Variants in AUTS2 observed in about 807,000 individuals in gnomAD.
AUTS2 encodes the protein autism susceptibility gene 2 protein.
In AUTS2, 17 loss-of-function variants were observed where a neutral mutation model predicts 112.4. The observed-to-expected ratio is 0.15, with a 90% confidence interval of 0.10 to 0.23. AUTS2 has a LOEUF of 0.23. Ranked by LOEUF, AUTS2 falls within the 10% of genes least tolerant of loss-of-function variation. The probability of loss-of-function intolerance (pLI) is 1.00; values close to 1 mark genes in which losing one functional copy is unlikely to be tolerated. For missense variants in AUTS2, 1,510 were observed against 1,701.6 expected (o/e 0.89, Z 1.98); for synonymous variants, 751 against 702.7 (o/e 1.07, Z -1.09).
intron 4 of AUTS2, among the ~76,000 whole-genome samples, chr7:70,380,522 G>T (rs1485718160): frequency 6.6e-6 from 1 of 152,218 alleles, no homozygotes; most frequent in East Asian, 1.9e-4. Context: ...TCTCAGGGGA[G>T]GGCTCCCAGT....
intron 2 of AUTS2, among the ~76,000 whole-genome samples, chr7:70,087,244 G>C (rs114889113): frequency 2.3e-3 from 342 of 149,622 alleles, no homozygotes; most frequent in Non-Finnish European, 3.6e-3. Context: ...TTATTTTTTA[G>C]TTTAATATGG....
At chr7:70,049,605 C>T (rs1050947675) in intron 2 of AUTS2, among the ~76,000 whole-genome samples, 1 of 152,110 alleles carries the variant, frequency 6.6e-6, no homozygotes, top group Non-Finnish European at 1.5e-5. Flanking sequence ...GCTGGGATTA[C>T]AGGCGCCCAG....
chr7:70,491,426 A>G (rs1263203949), intron 5 of AUTS2, among the ~76,000 whole-genome samples: 1 of 145,994 alleles, frequency 6.8e-6, no homozygotes, highest in Admixed American at 6.9e-5. Flanking sequence ...GTATACACAC[A>G]CACACACACA....
At chr7:70,289,703 A>C (rs1788623341) in intron 4 of AUTS2, among the ~76,000 whole-genome samples, 1 of 152,198 alleles carries the variant, frequency 6.6e-6, no homozygotes, top group South Asian at 2.1e-4. Context: ...AGTGTTGAGG[A>C]TTAGATGATT....
intron 5 of AUTS2, among the ~76,000 whole-genome samples, chr7:70,483,950 C>G (rs1017949211): frequency 6.6e-6 from 1 of 151,730 alleles, no homozygotes; most frequent in Admixed American, 6.6e-5. Context: ...AGTGGTCTGC[C>G]CTGAAGGGAA....
chr7:70,719,590 A>C (rs1433051393), intron 6 of AUTS2, among the ~76,000 whole-genome samples: 1 of 151,058 alleles, frequency 6.6e-6, no homozygotes, highest in African/African-American at 2.4e-5. Flanking sequence ...CAGCCTCCCG[A>C]GTAGGTGGGA....
intron 4 of AUTS2, among the ~76,000 whole-genome samples, chr7:70,171,912 G>A (rs1417475656): frequency 6.6e-6 from 1 of 151,154 alleles, no homozygotes; most frequent in Non-Finnish European, 1.5e-5. Flanking sequence ...TTTTGGGGGG[G>A]GGTAGTTTTT....
intron 2 of AUTS2, among the ~76,000 whole-genome samples, chr7:70,094,069 A>G (rs1156444180): frequency 6.6e-6 from 1 of 151,974 alleles, no homozygotes; most frequent in East Asian, 1.9e-4. Context: ...TTTCATTGTC[A>G]CTCCATCATT....
chr7:69,878,245 A>G (rs1305014822), intron 1 of AUTS2, among the ~76,000 whole-genome samples: 2 of 152,130 alleles, frequency 1.3e-5, no homozygotes, highest in Admixed American at 6.5e-5. Context: ...TGGACAAACA[A>G]TGGTTTGTAG....
intron 1 of AUTS2, among the ~76,000 whole-genome samples, chr7:69,698,460 A>G (rs951954274): frequency 6.6e-6 from 1 of 152,182 alleles, no homozygotes; most frequent in Non-Finnish European, 1.5e-5. Flanking sequence ...TTTAAAAAGT[A>G]CTTACCTGCT....
intron 1 of AUTS2, 125 bp downstream of exon 1, chr7:69,600,087 TAGGCTGAG>T: frequency 6.5e-6 from 7 of 1,083,228 alleles, no homozygotes; most frequent in African/African-American, 1.6e-5. Flanking sequence ...TCTGTCTGTC[TAGGCTGAG>T]GTCTTATTGT....
intron 2 of AUTS2, among the ~76,000 whole-genome samples, chr7:70,105,326 CAT>C (rs1343608087): frequency 2.0e-5 from 3 of 152,130 alleles, no homozygotes; most frequent in Non-Finnish European, 4.4e-5. Flanking sequence ...AGTGGCCAAT[CAT>C]AGCTCACTGC....
intron 14 of AUTS2, among the ~76,000 whole-genome samples, chr7:70,778,508 A>G (rs1790851314): frequency 6.6e-6 from 1 of 151,972 alleles, no homozygotes; most frequent in Admixed American, 6.6e-5. Flanking sequence ...AGGCTGAGGC[A>G]GGAGAACCCC....
intron 1 of AUTS2, among the ~76,000 whole-genome samples, chr7:69,658,802 TA>T (rs1439583176): frequency 2.0e-5 from 3 of 152,208 alleles, no homozygotes; most frequent in Non-Finnish European, 4.4e-5. Flanking sequence ...GAAATTCATT[TA>T]AAAAAATAAT....
At chr7:69,725,320 G>A (rs1333556084) in intron 1 of AUTS2, among the ~76,000 whole-genome samples, 1 of 152,138 alleles carries the variant, frequency 6.6e-6, no homozygotes, top group African/African-American at 2.4e-5. Context: ...ATATGAGCAT[G>A]CAAATAGATG....
At chr7:70,374,680 A>G (rs1201801035) in intron 4 of AUTS2, among the ~76,000 whole-genome samples, 1 of 152,228 alleles carries the variant, frequency 6.6e-6, no homozygotes, top group Non-Finnish European at 1.5e-5. Context: ...AAGTATATTC[A>G]CATATCAGAA....
rs143140321 is a variant in AUTS2, at chr7:69,855,989, G to T, written c.310-43297G>T. Among the ~76,000 whole-genome samples, 894 of 152,312 alleles carry T rather than the reference G, an allele frequency of 5.9e-3. 11 individuals carry two copies. The highest frequency in any genetic ancestry group is 0.02 in the African/African-American group (844 of 41,566). On this transcript the variant is annotated intron_variant, in intron 1 of 18. Transcript: ENST00000342771. ...ATTTTCTTGGATTGAGACACAGTTA[G>T]CTTGCCTGTGGCTTCCCCGCAGTGA...
chr7:70,166,340 C>A (rs1482105357), intron 4 of AUTS2, among the ~76,000 whole-genome samples: 1 of 151,988 alleles, frequency 6.6e-6, no homozygotes, highest in Non-Finnish European at 1.5e-5. Flanking sequence ...ATATGGCTTG[C>A]AAAGTCTAAA....
intron 6 of AUTS2, among the ~76,000 whole-genome samples, chr7:70,733,007 C>T (rs1787522160): frequency 6.6e-6 from 1 of 152,178 alleles, no homozygotes; most frequent in South Asian, 2.1e-4. Context: ...ATGCTATTTC[C>T]ACAGGGCTGT....
Sources: gnomAD v4.1 joint callset for allele counts (sites outside exome capture counted in the v4.1 genomes callset) on GRCh38, gnomAD v4.1.1 for gene constraint, MANE v1.5 for transcripts, NCBI Gene and HGNC (gene_info 2026-07-23, HGNC 2026-07-21) for gene names.